Variants in PAN3 observed in about 807,000 individuals in gnomAD.
PAN3 encodes the protein PAN2-PAN3 deadenylation complex subunit PAN3.
Under a neutral mutation model 96.2 loss-of-function variants are expected in PAN3, and 19 were observed. The ratio of observed to expected loss-of-function variants is 0.20; its 90% CI spans 0.14 to 0.29. The LOEUF is 0.29. PAN3 is among the 10% of genes least tolerant of loss of function. The pLI, the probability that PAN3 is intolerant of heterozygous loss-of-function variation, is 1.00. For missense variants in PAN3, 882 were observed against 1,108.1 expected, an observed-to-expected ratio of 0.80 and a Z score of 2.90; for synonymous variants, 433 against 406.6, an observed-to-expected ratio of 1.06 and a Z score of -0.78.
chr13:28,139,936 GTGTTGT>G (rs568234142), intron 1 of PAN3, among the ~76,000 whole-genome samples: 56 of 151,756 alleles, frequency 3.7e-4, no homozygotes, highest in South Asian at 2.5e-3. Context: ...TCTTTTTCAT[GTGTTGT>G]TGTTGTTGTT....
chr13:28,185,463 A>G (rs977963854), intron 4 of PAN3, among the ~76,000 whole-genome samples: 1 of 152,132 alleles, frequency 6.6e-6, no homozygotes, highest in African/African-American at 2.4e-5. Flanking sequence ...TACTTCCTGT[A>G]CTTTATTTTA....
chr13:28,195,466 G>T (rs1304417648), intron 4 of PAN3, among the ~76,000 whole-genome samples: 1 of 151,970 alleles, frequency 6.6e-6, no homozygotes, highest in Non-Finnish European at 1.5e-5. Context: ...AGGCATTCTA[G>T]TTACCTTTCT....
chr13:28,220,401 G>T (rs970823048), intron 6 of PAN3, 23 bp downstream of exon 6: 2 of 1,609,980 alleles, frequency 1.2e-6, no homozygotes, highest in East Asian at 2.2e-5. Context: ...ACTATTTCCA[G>T]TGAGTTCCAG....
rs768576703 is a variant in PAN3, at chr13:28,284,080, C to CA, written c.2384+2702dup. Among the ~76,000 whole-genome samples the CA allele has an allele frequency of 1.3e-3, 202 of 152,274 alleles. 1 individual carries two copies. Among genetic ancestry groups the CA allele is most frequent in the Non-Finnish European group, 1.5e-3 (102 of 68,026 alleles). ...GTGATTGCTAGGTCAGTAGGTGTGC[C>CA]ACTATAATTTCATAGCTATTGGAGA... On this transcript the variant is annotated intron_variant, in intron 17 of 18. Transcript: ENST00000380958.
At chr13:28,277,215 T>C (rs1887135518) in intron 14 of PAN3, 22 bp from the exon 15 acceptor site, 2 of 1,592,006 alleles carry the variant, frequency 1.3e-6, no homozygotes, top group Admixed American at 3.6e-5. Context: ...AATTAAAAGT[T>C]ATATTTATTC....
chr13:28,246,019 CTCTTCGGTAATATGCCTAGTAGTGGAA>C (rs1884147528), intron 6 of PAN3, among the ~76,000 whole-genome samples: 4 of 152,110 alleles, frequency 2.6e-5, no homozygotes, highest in African/African-American at 9.7e-5. Flanking sequence ...GTTTTTAGTG[CTCTTCGGTAATATGCCTAGTAGTGGAA>C]TCACAATTCC....
chr13:28,244,604 A>G (rs17533923), intron 6 of PAN3, among the ~76,000 whole-genome samples: 3,005 of 152,154 alleles, frequency 0.02, 64 homozygotes, highest in Admixed American at 0.03. Context: ...ATTCTTTTGC[A>G]CTATTCATAT....
chr13:28,252,180 G>T (rs1262073270), intron 6 of PAN3, among the ~76,000 whole-genome samples: 1 of 145,558 alleles, frequency 6.9e-6, no homozygotes, highest in African/African-American at 2.6e-5. Context: ...GAGCCACTGC[G>T]ACGGGCCCTT....
intron 18 of PAN3, among the ~76,000 whole-genome samples, chr13:28,289,856 T>C (rs1869516248): frequency 6.6e-6 from 1 of 152,002 alleles, no homozygotes; most frequent in South Asian, 2.1e-4. Flanking sequence ...CACTCCAGTC[T>C]GGCCGATAGA....
chr13:28,265,391 A>C, intron 9 of PAN3, among the ~76,000 whole-genome samples: 1 of 152,248 alleles, frequency 6.6e-6, no homozygotes, highest in East Asian at 1.9e-4. Context: ...TAAGTAGAAC[A>C]TGCCACTTGG....
Position 28,181,067 on chromosome 13 carries a change from A to C in PAN3, c.690+3132A>C, listed in dbSNP as rs57065791. The stretch of plus-strand genomic sequence containing the variant: ...GGAATGTATAGAGGCAAAGATACCT[A>C]GGCAAAAGGTATGCTTGCTTACAGG... On this transcript the variant is annotated intron_variant, in intron 4 of 18. Coordinates refer to ENST00000380958, the MANE Select transcript of PAN3 (RefSeq NM_175854.8). 6.7e-3 allele frequency among the ~76,000 whole-genome samples: 1,016 copies of C among 152,304 alleles called. 8 individuals carry two copies. The highest frequency in any genetic ancestry group is 0.022 in the African/African-American group (896 of 41,576).
At chr13:28,270,936 T>C in intron 13 of PAN3, 70 bp downstream of exon 13, 1 of 1,397,822 alleles carries the variant, frequency 7.2e-7, no homozygotes. Flanking sequence ...AAACAAAACA[T>C]GATTGTTTTA....
intron 6 of PAN3, among the ~76,000 whole-genome samples, chr13:28,241,701 G>A (rs1381702503): frequency 1.3e-5 from 2 of 152,130 alleles, no homozygotes; most frequent in African/African-American, 4.8e-5. Context: ...TGTGTTTTGG[G>A]CTATAAGTGT....
Position 28,227,123 on chromosome 13 carries a change from A to G in PAN3, c.1000+6745A>G, listed in dbSNP as rs141205288. Among the ~76,000 whole-genome samples, 70 of 152,306 alleles carry G rather than the reference A, an allele frequency of 4.6e-4. 2 individuals are homozygous for G. In the East Asian group the frequency reaches 0.012, roughly 27 times the overall value. On this transcript the variant is annotated intron_variant, in intron 6 of 18. Coordinates refer to ENST00000380958, the MANE Select transcript of PAN3 (RefSeq NM_175854.8). The stretch of plus-strand genomic sequence containing the variant: ...ACTAACAGTAGAACTGTAGAATCAT[A>G]ACAGGGTTGGGAGTGCCTGCTGGCT...
intron 1 of PAN3, among the ~76,000 whole-genome samples, chr13:28,164,334 A>G (rs1365027916): frequency 5.9e-5 from 9 of 152,230 alleles, no homozygotes; most frequent in African/African-American, 1.9e-4. Context: ...TGTGGCCAGT[A>G]AATGGCAGAA....
chr13:28,220,252 G>A lies in PAN3; in HGVS notation c.874G>A (p.Glu292Lys), dbSNP rs144763071. Reference sequence around the variant, plus strand: ...ATAGACACCAAATCCTACTGCAAGCGAGTTTATTCCTAAAGGAGGATCAAC... The same window carrying A: ...ATAGACACCAAATCCTACTGCAAGCAAGTTTATTCCTAAAGGAGGATCAAC... ...NLQTPNPTAS[E>K]FIPKGGSTSR... The change falls in exon 6 of 19, where the codon GAG becomes AAG. Residue 292 changes from glutamate to lysine, a missense_variant. Glu to Lys is a moderately conservative substitution (Grantham distance 56). Coordinates refer to ENST00000380958, the MANE Select transcript of PAN3 (RefSeq NM_175854.8). 3.1e-6 allele frequency: 5 copies of A among 1,612,520 alleles called. No individual in the cohort carries two copies. The African/African-American group carries it at 5.3e-5, about 17-fold the overall frequency.
chr13:28,244,520 A>T (rs1187691118), intron 6 of PAN3, among the ~76,000 whole-genome samples: 1 of 152,162 alleles, frequency 6.6e-6, no homozygotes, highest in Non-Finnish European at 1.5e-5. Context: ...TTGAAGTCTG[A>T]ATATAACATA....
intron 1 of PAN3, among the ~76,000 whole-genome samples, chr13:28,140,091 G>A (rs1309975975): frequency 6.6e-6 from 1 of 152,134 alleles, no homozygotes; most frequent in East Asian, 1.9e-4. Context: ...GGGACTACAG[G>A]CGCGCGCCAC....
At chr13:28,142,187 G>T (rs1377724164) in intron 1 of PAN3, among the ~76,000 whole-genome samples, 1 of 152,166 alleles carries the variant, frequency 6.6e-6, no homozygotes, top group East Asian at 1.9e-4. Context: ...CAAGGAGTGG[G>T]AAATAATGTT....
Sources: gnomAD v4.1 joint callset for allele counts (sites outside exome capture counted in the v4.1 genomes callset) on GRCh38, gnomAD v4.1.1 for gene constraint, MANE v1.5 for transcripts, NCBI Gene and HGNC (gene_info 2026-07-23, HGNC 2026-07-21) for gene names.